The following ZBTB46 variants were observed in gnomAD, a reference collection of about 807,000 sequenced individuals.
ZBTB46 encodes zinc finger and BTB domain containing 46.
ZBTB46 carries 8 observed loss-of-function variants against 44.1 expected under a neutral mutation model. The ratio of observed to expected loss-of-function variants is 0.18; its 90% CI spans 0.11 to 0.33. ZBTB46 has a LOEUF of 0.33. Ranked by LOEUF, ZBTB46 falls within the 10% of genes least tolerant of loss-of-function variation. The pLI is 1.00. For missense variants in ZBTB46, 651 were observed against 847.7 expected (o/e 0.77, Z 2.88); for synonymous variants, 409 against 382.3 (o/e 1.07, Z -0.81).
intron 1 of ZBTB46, among the ~76,000 whole-genome samples, chr20:63,819,289 C>T (rs1045001838): frequency 1.4e-4 from 21 of 152,142 alleles, no homozygotes; most frequent in Non-Finnish European, 1.5e-5. Context: ...TAACATTAAG[C>T]GAACAGAGAG....
chr20:63,805,585 A>G (rs1274698836), intron 1 of ZBTB46, among the ~76,000 whole-genome samples: 1 of 152,204 alleles, frequency 6.6e-6, no homozygotes, highest in African/African-American at 2.4e-5. Context: ...AGAGGCAGGA[A>G]GGACCCTGCC....
intron 3 of ZBTB46, among the ~76,000 whole-genome samples, chr20:63,764,046 C>T (rs938204415): frequency 6.6e-6 from 1 of 151,942 alleles, no homozygotes; most frequent in Admixed American, 6.6e-5. Flanking sequence ...ACAACTCACA[C>T]CAGCCTCGAC....
intron 1 of ZBTB46, among the ~76,000 whole-genome samples, chr20:63,818,951 G>C (rs1201885268): frequency 6.6e-6 from 1 of 151,184 alleles, no homozygotes; most frequent in Non-Finnish European, 1.5e-5. Flanking sequence ...AAGGTGGGCG[G>C]ATCACAAGGT....
chr20:63,802,588 G>A (rs996378371), intron 1 of ZBTB46, among the ~76,000 whole-genome samples: 10 of 147,414 alleles, frequency 6.8e-5, no homozygotes, highest in African/African-American at 2.3e-4. Flanking sequence ...CAGAAACCGC[G>A]GCGGGCCGAC....
chr20:63,787,662 G>C lies in ZBTB46; in HGVS notation c.937+2159C>G. 6.6e-6 allele frequency: 1 copy of C among 152,236 alleles called. No individual in the cohort carries two copies. The highest frequency in any genetic ancestry group is 1.9e-4 in the East Asian group (1 of 5,204). The allele number at this position is 152,236 out of a possible 1,614,324, so 9.4% of individuals were successfully genotyped here. A position where few individuals can be genotyped will look rare whatever the true frequency, so the allele number is the denominator to read the frequency against. Reference sequence around the variant, plus strand: ...ACGGGCGCTCCATGACGCTCCCAGAGCAACAGAATCGCCTAGCGATGCGTT... The same window carrying C: ...ACGGGCGCTCCATGACGCTCCCAGACCAACAGAATCGCCTAGCGATGCGTT... On this transcript the variant is annotated intron_variant, in intron 2 of 4. Coordinates refer to ENST00000245663, the MANE Select transcript of ZBTB46 (RefSeq NM_001369741.1). The surrounding 1 kb of genome is among the most constrained non-coding windows in gnomAD (Gnocchi z 4.6).
In ZBTB46 at chr20:63,790,238, G is replaced by A. The variant is rs2092550016; in HGVS notation, c.520C>T (p.Arg174Ter). 6.2e-7 allele frequency: 1 copy of A among 1,610,446 alleles called. No individual in the cohort carries two copies. The highest frequency in any genetic ancestry group is 1.3e-5 in the African/African-American group (1 of 74,906). ...CCGGAAGAATTGGCAGGACTCGTTC[G>A]CCGTGCCAGCCACGGGGAGATGCTC... ...GRSISPWLAR[R>*]TSPANSSGDS... The change falls in exon 2 of 5, where the codon CGA becomes TGA. Residue 174 changes from arginine (R) to a stop codon, truncating the protein, a stop_gained. Coordinates refer to ENST00000245663, the MANE Select transcript of ZBTB46 (RefSeq NM_001369741.1). LOFTEE classifies it high-confidence loss of function.
At chr20:63,789,127 CAAAAAA>C (rs77975067) in intron 2 of ZBTB46, among the ~76,000 whole-genome samples, 1 of 138,078 alleles carries the variant, frequency 7.2e-6, no homozygotes, top group East Asian at 2.1e-4. Flanking sequence ...GAGACTGTCT[CAAAAAA>C]AAAAAGAAAA....
intron 1 of ZBTB46, among the ~76,000 whole-genome samples, chr20:63,812,530 G>A (rs1231348975): frequency 2.0e-5 from 3 of 148,420 alleles, no homozygotes; most frequent in African/African-American, 7.5e-5. Flanking sequence ...TAATCCCAGT[G>A]CTTTGGGAGG....
rs6011097 is a variant in ZBTB46 at position 63,767,472 on chromosome 20, G to C, written c.1222+8206C>G. Among the ~76,000 whole-genome samples, 1 of 151,980 alleles carries C rather than the reference G, an allele frequency of 6.6e-6. No individual in the cohort carries two copies. Among genetic ancestry groups the C allele is most frequent in the Non-Finnish European group, 1.5e-5 (1 of 67,982 alleles). Reference sequence around the variant, plus strand: ...CACCGGCTCCCAGTCACAGCTCTCCGCAGATATCCCCCTCCGACGCGGCTG... The same window carrying C: ...CACCGGCTCCCAGTCACAGCTCTCCCCAGATATCCCCCTCCGACGCGGCTG... On this transcript the variant is annotated intron_variant, in intron 3 of 4. Transcript: ENST00000245663. The surrounding 1 kb of genome is among the most constrained non-coding windows in gnomAD (Gnocchi z 5.0).
intron 1 of ZBTB46, among the ~76,000 whole-genome samples, chr20:63,801,291 G>A (rs2092642619): frequency 6.6e-6 from 1 of 152,172 alleles, no homozygotes; most frequent in Non-Finnish European, 1.5e-5. Context: ...GTTTGTGAAT[G>A]CACCAATCAG....
chr20:63,803,565 G>A lies in ZBTB46; in HGVS notation c.-33-12775C>T. On this transcript the variant is annotated intron_variant, in intron 1 of 4. Coordinates refer to ENST00000245663, the MANE Select transcript of ZBTB46 (RefSeq NM_001369741.1). The surrounding 1 kb of genome is among the most constrained non-coding windows in gnomAD (Gnocchi z 4.0). ...TGTCTGCCGGCCCCGGGCTGCCCAG[G>A]CCCCGGGCTGCCCAGGTCTCTGTCG... 1 of 970,086 alleles carries A rather than the reference G, an allele frequency of 1.0e-6. No individual in the cohort carries two copies. Among genetic ancestry groups the A allele is most frequent in the Non-Finnish European group, 1.2e-6 (1 of 821,462 alleles). The allele number at this position is 970,086 out of a possible 1,614,324, so 60.1% of individuals were successfully genotyped here.
At chr20:63,773,191 G>A (rs1017619247) in intron 3 of ZBTB46, among the ~76,000 whole-genome samples, 1 of 140,126 alleles carries the variant, frequency 7.1e-6, no homozygotes, top group South Asian at 2.3e-4. Context: ...AGAAACAGTA[G>A]AAAAAGCACA....
At chr20:63,785,036 G>T (rs374789665) in intron 2 of ZBTB46, among the ~76,000 whole-genome samples, 1 of 150,706 alleles carries the variant, frequency 6.6e-6, no homozygotes, top group Non-Finnish European at 1.5e-5. Flanking sequence ...GATCGAGACC[G>T]TCCTGGCCAA....
At chr20:63,793,229 C>T (rs776872872) in intron 1 of ZBTB46, among the ~76,000 whole-genome samples, 2 of 152,210 alleles carry the variant, frequency 1.3e-5, no homozygotes, top group African/African-American at 2.4e-5. Flanking sequence ...TGGGTGCGAG[C>T]AGAACAAGGA....
At chr20:63,800,628 G>T (rs1480300157) in intron 1 of ZBTB46, among the ~76,000 whole-genome samples, 1 of 152,236 alleles carries the variant, frequency 6.6e-6, no homozygotes, top group Admixed American at 6.5e-5. Flanking sequence ...TTCCGGGTGG[G>T]TGTGGGCTTG....
At chr20:63,822,662 C>T (rs2092798743) in intron 1 of ZBTB46, among the ~76,000 whole-genome samples, 1 of 152,160 alleles carries the variant, frequency 6.6e-6, no homozygotes, top group Admixed American at 6.6e-5. Flanking sequence ...GAGCACAGGA[C>T]ACGGCCAACC....
At chr20:63,795,940 G>A (rs987775789) in intron 1 of ZBTB46, among the ~76,000 whole-genome samples, 1 of 152,164 alleles carries the variant, frequency 6.6e-6, no homozygotes, top group African/African-American at 2.4e-5. Context: ...ATCATTGAGC[G>A]CCTTTGAAGA....
intron 1 of ZBTB46, among the ~76,000 whole-genome samples, chr20:63,794,887 T>G (rs985433011): frequency 2.0e-5 from 3 of 152,208 alleles, no homozygotes; most frequent in African/African-American, 7.2e-5. Flanking sequence ...GGCACACCTG[T>G]GGCTGCGGCA....
At position 63,767,969 on chromosome 20, in the gene ZBTB46, T is replaced by A. The variant is rs1381993624; in HGVS notation, c.1222+7709A>T. The stretch of plus-strand genomic sequence containing the variant: ...CTGCTCCGCCCAGCTCTCCACGCCA[T>A]GAGAGGTGTCGATCTGGAACCAGAG... On this transcript the variant is annotated intron_variant, in intron 3 of 4. Coordinates refer to ENST00000245663, the MANE Select transcript of ZBTB46 (RefSeq NM_001369741.1). The surrounding 1 kb of genome is among the most constrained non-coding windows in gnomAD (Gnocchi z 5.0). 2.1e-5 allele frequency: 21 copies of A among 985,262 alleles called. No homozygotes were observed. Among genetic ancestry groups the A allele is most frequent in the Non-Finnish European group, 2.5e-5 (21 of 829,916 alleles). 61.0% of individuals were successfully genotyped at this position (985,262 alleles called of 1,614,324 possible).
Sources: gnomAD v4.1 joint callset for allele counts (sites outside exome capture counted in the v4.1 genomes callset) on GRCh38, gnomAD v4.1.1 for gene constraint, Gnocchi (gnomAD v3.1) non-coding constraint, MANE v1.5 for transcripts, NCBI Gene and HGNC (gene_info 2026-07-23, HGNC 2026-07-21) for gene names.